Variants in CUEDC1 observed in about 807,000 individuals in gnomAD.
The protein encoded by CUEDC1 is CUE domain-containing protein 1.
CUEDC1 carries 30 observed loss-of-function variants against 43.7 expected under a neutral mutation model. The observed-to-expected ratio is 0.69, with a 90% confidence interval of 0.51 to 0.93. CUEDC1 has a LOEUF of 0.93. Among genes scored for constraint, CUEDC1 ranks in the 40% least tolerant of loss-of-function variants. The probability of loss-of-function intolerance (pLI) is 0.00; values close to 1 mark genes in which losing one functional copy is unlikely to be tolerated. For missense variants in CUEDC1, 486 were observed against 549.0 expected, an observed-to-expected ratio of 0.89 and a Z score of 1.15; for synonymous variants, 223 against 223.6, an observed-to-expected ratio of 1.00 and a Z score of 0.02.
intron 1 of CUEDC1, among the ~76,000 whole-genome samples, chr17:57,887,628 A>G (rs1367721990): frequency 7.0e-6 from 1 of 142,662 alleles, no homozygotes; most frequent in Non-Finnish European, 1.5e-5. Flanking sequence ...AGTAGCTGGG[A>G]CTACAGGTAC....
At chr17:57,938,823 CG>C (rs2074886822) in intron 1 of CUEDC1, among the ~76,000 whole-genome samples, 1 of 148,572 alleles carries the variant, frequency 6.7e-6, no homozygotes, top group South Asian at 2.1e-4. Flanking sequence ...CCACCACGCC[CG>C]GCTAATTTTA....
Position 57,953,505 on chromosome 17 carries a change from C to T in CUEDC1, c.-316+1720G>A, listed in dbSNP as rs376510088. 3.6e-4 allele frequency among the ~76,000 whole-genome samples: 55 copies of T among 152,358 alleles called. No individual in the cohort carries two copies. The East Asian group carries it at 6.6e-3, about 18-fold the overall frequency. ...ATTCACTGACCAGCCAAAAAGGTGACAACTGTTCTGATGGCCCAGGTCAGA... is the reference window on the plus strand; with the variant it reads ...ATTCACTGACCAGCCAAAAAGGTGATAACTGTTCTGATGGCCCAGGTCAGA... On this transcript the variant is annotated intron_variant, in intron 1 of 10. Coordinates refer to ENST00000577830, the MANE Select transcript of CUEDC1 (RefSeq NM_001271875.2).
chr17:57,911,266 C>CCT (rs2074580388), intron 1 of CUEDC1, among the ~76,000 whole-genome samples: 1 of 152,232 alleles, frequency 6.6e-6, no homozygotes, highest in African/African-American at 2.4e-5. Context: ...GTCTCCCTAA[C>CCT]TAAGCCCTGT....
At chr17:57,904,421 G>A (rs1251210841) in intron 1 of CUEDC1, among the ~76,000 whole-genome samples, 1 of 152,108 alleles carries the variant, frequency 6.6e-6, no homozygotes, top group African/African-American at 2.4e-5. Context: ...TTGGGGAGGT[G>A]GGAGGGAGGG....
chr17:57,897,321 A>T (rs1430395131), intron 1 of CUEDC1, among the ~76,000 whole-genome samples: 10 of 152,210 alleles, frequency 6.6e-5, no homozygotes, highest in African/African-American at 2.2e-4. Flanking sequence ...GAATCCAAAC[A>T]GTCTGGCCCC....
chr17:57,881,232 C>T (rs553781061), intron 2 of CUEDC1, among the ~76,000 whole-genome samples: 183 of 152,348 alleles, frequency 1.2e-3, no homozygotes, highest in African/African-American at 4.2e-3. Context: ...CAGTGCTCTG[C>T]GCTTACATAG....
chr17:57,901,636 G>A (rs912472137), intron 1 of CUEDC1, among the ~76,000 whole-genome samples: 4 of 152,190 alleles, frequency 2.6e-5, no homozygotes, highest in Non-Finnish European at 4.4e-5. Context: ...TCTGTCACAG[G>A]GAAGCAGCCA....
At chr17:57,926,046 A>G (rs1215885020) in intron 1 of CUEDC1, among the ~76,000 whole-genome samples, 1 of 152,230 alleles carries the variant, frequency 6.6e-6, no homozygotes, top group Non-Finnish European at 1.5e-5. Context: ...GCCCTGTGCC[A>G]GGAGACCCTG....
intron 1 of CUEDC1, among the ~76,000 whole-genome samples, chr17:57,888,792 G>C (rs999895943): frequency 9.9e-5 from 15 of 152,250 alleles, no homozygotes; most frequent in African/African-American, 3.4e-4. Context: ...ACAGGGGTCA[G>C]TGACTTGTGT....
At chr17:57,869,317 G>A (rs533241401) in intron 6 of CUEDC1, 124 bp from the exon 7 acceptor site, 555 of 791,196 alleles carry the variant, frequency 7.0e-4, no homozygotes, top group Non-Finnish European at 1.1e-3. Context: ...CCAGAAGGGA[G>A]TTTAAAGCAA....
chr17:57,925,392 G>T (rs2074737183), intron 1 of CUEDC1, among the ~76,000 whole-genome samples: 1 of 152,112 alleles, frequency 6.6e-6, no homozygotes, highest in African/African-American at 2.4e-5. Flanking sequence ...GAGGCCCTCG[G>T]GCTCTGCTGT....
intron 1 of CUEDC1, among the ~76,000 whole-genome samples, chr17:57,932,239 G>A (rs137905327): frequency 6.2e-5 from 9 of 144,976 alleles, no homozygotes; most frequent in Non-Finnish European, 1.0e-4. Flanking sequence ...CCGAGATCGC[G>A]CGACAGCACT....
At chr17:57,931,915 C>T (rs1440108787) in intron 1 of CUEDC1, among the ~76,000 whole-genome samples, 2 of 152,184 alleles carry the variant, frequency 1.3e-5, no homozygotes, top group South Asian at 2.1e-4. Flanking sequence ...CTTCCCTACA[C>T]GATGCCCCCA....
At chr17:57,909,451 T>C (rs769251874) in intron 1 of CUEDC1, among the ~76,000 whole-genome samples, 17 of 152,224 alleles carry the variant, frequency 1.1e-4, no homozygotes, top group Non-Finnish European at 2.4e-4. Context: ...ATTATGACTT[T>C]CTGAGGGAGA....
rs147015044 is a variant in CUEDC1, at chr17:57,883,868, G to A, written c.336+1361C>T. On this transcript the variant is annotated intron_variant, in intron 2 of 10. Coordinates refer to ENST00000577830, the MANE Select transcript of CUEDC1 (RefSeq NM_001271875.2). ...TGTCCATGGCTGCATGTCCCAGATG[G>A]CCCTGTGGACAACACCCCTCTGATT... Among the ~76,000 whole-genome samples, 10 of 152,252 alleles carry A rather than the reference G, an allele frequency of 6.6e-5. No individual in the cohort carries two copies. The East Asian group carries it at 1.9e-3, about 29-fold the overall frequency.
Position 57,887,111 on chromosome 17 carries a change from G to A in CUEDC1, c.-315-1232C>T, listed in dbSNP as rs372709483. Among the ~76,000 whole-genome samples, 305 of 152,100 alleles carry A rather than the reference G, an allele frequency of 2.0e-3. 1 individual carries two copies. The highest frequency in any genetic ancestry group is 6.9e-3 in the African/African-American group (288 of 41,504). ...GCTGGGATTACAGGCGTGAGCCACC[G>A]TGCCCGGCCATAAATTCTGTTCTTA... On this transcript the variant is annotated intron_variant, in intron 1 of 10. Transcript: ENST00000577830.
At chr17:57,924,392 C>T (rs1358195040) in intron 1 of CUEDC1, among the ~76,000 whole-genome samples, 1 of 152,040 alleles carries the variant, frequency 6.6e-6, no homozygotes, top group East Asian at 1.9e-4. Context: ...GCGTGAGCCA[C>T]CGCGCCGGGC....
chr17:57,880,768 G>A (rs1017237481), intron 2 of CUEDC1, among the ~76,000 whole-genome samples: 5 of 152,110 alleles, frequency 3.3e-5, no homozygotes, highest in Admixed American at 6.5e-5. Flanking sequence ...CACCACCCCT[G>A]GCTAATCTTT....
chr17:57,946,759 T>C (rs923148748), intron 1 of CUEDC1, among the ~76,000 whole-genome samples: 1 of 152,238 alleles, frequency 6.6e-6, no homozygotes, highest in South Asian at 2.1e-4. Context: ...GGTCCTGTAA[T>C]TGGGTGGGGG....
Sources: allele counts gnomAD v4.1 joint callset (sites outside exome capture counted in the v4.1 genomes callset), GRCh38; gene constraint gnomAD v4.1.1; transcripts MANE v1.5; gene names NCBI Gene and HGNC (gene_info 2026-07-23, HGNC 2026-07-21).